Variants in PXDNL observed in about 807,000 individuals in gnomAD.
The protein encoded by PXDNL is peroxidasin like, also known as probable oxidoreductase PXDNL.
A neutral mutation model predicts 150.8 loss-of-function variants in PXDNL; 145 were observed. That is an observed-to-expected ratio of 0.96 (90% confidence interval 0.84 to 1.10). The LOEUF is 1.10. Ranked by LOEUF, PXDNL falls within the 50% of genes least tolerant of loss-of-function variation. PXDNL has a pLI of 0.00. For missense variants in PXDNL, 2,087 were observed against 1,873.9 expected (o/e 1.11, Z -2.10); for synonymous variants, 757 against 725.7 (o/e 1.04, Z -0.69).
intron 1 of PXDNL, among the ~76,000 whole-genome samples, chr8:51,687,901 C>G (rs1815911008): frequency 6.6e-6 from 1 of 152,072 alleles, no homozygotes; most frequent in Non-Finnish European, 1.5e-5. Flanking sequence ...CACTTTAGAG[C>G]CCTCAGCATA....
chr8:51,566,644 T>C (rs1812835340), intron 3 of PXDNL, among the ~76,000 whole-genome samples: 1 of 151,692 alleles, frequency 6.6e-6, no homozygotes, highest in African/African-American at 2.4e-5. Flanking sequence ...CCCAATTTTA[T>C]GTGTGATATT....
At chr8:51,779,649 A>G (rs140171183) in intron 1 of PXDNL, among the ~76,000 whole-genome samples, 2 of 152,332 alleles carry the variant, frequency 1.3e-5, no homozygotes, top group African/African-American at 4.8e-5. Flanking sequence ...TCCACCAAGT[A>G]TGTGTGCCCA....
At chr8:51,464,690 G>A (rs1357533025) in intron 8 of PXDNL, among the ~76,000 whole-genome samples, 1 of 152,048 alleles carries the variant, frequency 6.6e-6, no homozygotes, top group Non-Finnish European at 1.5e-5. Context: ...GGCACAGGGA[G>A]GGTAACATCA....
At chr8:51,484,416 C>T (rs899292356) in intron 5 of PXDNL, among the ~76,000 whole-genome samples, 1 of 130,206 alleles carries the variant, frequency 7.7e-6, no homozygotes, top group Non-Finnish European at 1.6e-5. Flanking sequence ...GCCTGGGTGA[C>T]AGAGCAAGAC....
At chr8:51,575,208 A>T (rs1234569989) in intron 3 of PXDNL, among the ~76,000 whole-genome samples, 1 of 151,998 alleles carries the variant, frequency 6.6e-6, no homozygotes, top group Non-Finnish European at 1.5e-5. Context: ...TAAATTATGT[A>T]TATGTATTTA....
intron 2 of PXDNL, among the ~76,000 whole-genome samples, chr8:51,597,354 T>C (rs1813592355): frequency 6.6e-6 from 1 of 152,176 alleles, no homozygotes; most frequent in East Asian, 1.9e-4. Context: ...TCTGGCTTTG[T>C]TCTTTTTTTA....
intron 19 of PXDNL, among the ~76,000 whole-genome samples, chr8:51,353,287 A>G (rs1246217711): frequency 1.3e-5 from 2 of 151,342 alleles, no homozygotes; most frequent in East Asian, 1.9e-4. Flanking sequence ...AATTCCACTT[A>G]TATCTTTATT....
chr8:51,744,001 GGAGA>G (rs1235628632), intron 1 of PXDNL, among the ~76,000 whole-genome samples: 2 of 117,428 alleles, frequency 1.7e-5, no homozygotes, highest in Admixed American at 9.2e-5. Flanking sequence ...GAGAGAGAAA[GGAGA>G]GAGAGAGAAA....
intron 4 of PXDNL, among the ~76,000 whole-genome samples, chr8:51,539,290 C>G (rs1159814463): frequency 6.6e-6 from 1 of 151,908 alleles, no homozygotes; most frequent in East Asian, 1.9e-4. Flanking sequence ...GAATGATAAA[C>G]TAACTTGCAT....
chr8:51,798,715 C>G (rs576821987), intron 1 of PXDNL, among the ~76,000 whole-genome samples: 2 of 152,134 alleles, frequency 1.3e-5, no homozygotes, highest in Non-Finnish European at 2.9e-5. Flanking sequence ...GAAACAGGAA[C>G]CTTTTTACAC....
intron 4 of PXDNL, among the ~76,000 whole-genome samples, chr8:51,531,378 G>A (rs773131769): frequency 2.6e-5 from 4 of 151,904 alleles, no homozygotes; most frequent in South Asian, 4.2e-4. Context: ...TCCTCCCTCC[G>A]CCCCACTGCC....
chr8:51,365,099 A>G (rs1329456846), intron 19 of PXDNL, among the ~76,000 whole-genome samples: 2 of 151,960 alleles, frequency 1.3e-5, no homozygotes, highest in African/African-American at 4.8e-5. Context: ...CACCACACCC[A>G]GCTAATTTTT....
At chr8:51,746,791 G>A (rs929927997) in intron 1 of PXDNL, among the ~76,000 whole-genome samples, 12 of 152,150 alleles carry the variant, frequency 7.9e-5, no homozygotes, top group African/African-American at 2.4e-4. Flanking sequence ...GTGTGATCAC[G>A]GTTCACTGCA....
chr8:51,416,313 G>C (rs534376536), intron 14 of PXDNL, among the ~76,000 whole-genome samples: 28 of 152,338 alleles, frequency 1.8e-4, no homozygotes, highest in African/African-American at 6.7e-4. Flanking sequence ...ATGGTGGACA[G>C]AAGTTGATAT....
At chr8:51,399,008 G>A (rs976526560) in intron 17 of PXDNL, among the ~76,000 whole-genome samples, 22 of 152,100 alleles carry the variant, frequency 1.4e-4, no homozygotes, top group African/African-American at 5.1e-4. Flanking sequence ...ATATATAAGA[G>A]GAGATTGAAG....
chr8:51,561,392 T>C (rs1226554110), intron 3 of PXDNL, among the ~76,000 whole-genome samples: 1 of 151,864 alleles, frequency 6.6e-6, no homozygotes. Flanking sequence ...AAATGTGGTA[T>C]ATACATACAA....
chr8:51,534,199 G>A lies in PXDNL; in HGVS notation c.380+22641C>T, dbSNP rs377338922. Among the ~76,000 whole-genome samples the A allele has an allele frequency of 2.7e-4, 37 of 139,572 alleles. 3 individuals carry two copies. The East Asian group carries it at 8.0e-3, about 30-fold the overall frequency. The allele number at this position is 139,572 out of a possible 152,430, so 91.6% of individuals were successfully genotyped here. On this transcript the variant is annotated intron_variant, in intron 4 of 22. Coordinates refer to ENST00000356297, the MANE Select transcript of PXDNL (RefSeq NM_144651.5). Reference sequence around the variant, plus strand: ...CAACCCTGTCTGGGAGGTGAGGAGCGTCTCTGCCCGGCCGCCCCGTCTGAG... The same window carrying A: ...CAACCCTGTCTGGGAGGTGAGGAGCATCTCTGCCCGGCCGCCCCGTCTGAG...
intron 1 of PXDNL, among the ~76,000 whole-genome samples, chr8:51,758,729 T>C (rs2037129778): frequency 6.6e-6 from 1 of 152,156 alleles, no homozygotes; most frequent in Non-Finnish European, 1.5e-5. Context: ...TGACTGTAAG[T>C]TTCTGAGGCC....
rs1015705572 is a variant in PXDNL at position 51,599,167 on chromosome 8, G to A, written c.237-6469C>T. Among the ~76,000 whole-genome samples, 5 of 151,866 alleles carry A rather than the reference G, an allele frequency of 3.3e-5. No homozygotes were observed. The East Asian group carries it at 9.6e-4, about 29-fold the overall frequency. ...AGCTAGTGGTCTATCCATCTTGTTTGCCTTTTTGAACAACCAACTTTTGGT... is the reference window on the plus strand; with the variant it reads ...AGCTAGTGGTCTATCCATCTTGTTTACCTTTTTGAACAACCAACTTTTGGT... On this transcript the variant is annotated intron_variant, in intron 2 of 22. Transcript: ENST00000356297.
Sources: gnomAD v4.1 joint callset for allele counts (sites outside exome capture counted in the v4.1 genomes callset) on GRCh38, gnomAD v4.1.1 for gene constraint, MANE v1.5 for transcripts, NCBI Gene and HGNC (gene_info 2026-07-23, HGNC 2026-07-21) for gene names.